The following ASTN2 variants were observed in gnomAD, a reference collection of about 807,000 sequenced individuals.
ASTN2 encodes astrotactin 2, also known as astrotactin-2.
In ASTN2, 54 loss-of-function variants were observed where a neutral mutation model predicts 139.8. The ratio of observed to expected loss-of-function variants is 0.39; its 90% CI spans 0.31 to 0.48. The LOEUF (loss-of-function observed/expected upper bound fraction) is 0.48, where lower values mean the gene tolerates loss of function less well. ASTN2 is among the 20% of genes least tolerant of loss of function. The probability of loss-of-function intolerance (pLI) is 0.95; values close to 1 mark genes in which losing one functional copy is unlikely to be tolerated. For missense variants in ASTN2, 1,565 were observed against 1,725.1 expected (o/e 0.91, Z 1.64); for synonymous variants, 756 against 719.5 (o/e 1.05, Z -0.81).
chr9:117,082,348 C>T (rs980508705), intron 5 of ASTN2, among the ~76,000 whole-genome samples: 1 of 152,180 alleles, frequency 6.6e-6, no homozygotes, highest in East Asian at 1.9e-4. Flanking sequence ...GTCAGTCAGT[C>T]ATTGGGTTCC....
At chr9:116,468,503 A>C (rs544945964) in intron 20 of ASTN2, among the ~76,000 whole-genome samples, 150 of 152,136 alleles carry the variant, frequency 9.9e-4, no homozygotes, top group Non-Finnish European at 1.6e-3. Flanking sequence ...CTCATCTCTC[A>C]CCCTCTGTTA....
At chr9:117,084,596 G>A (rs1296065419) in intron 5 of ASTN2, among the ~76,000 whole-genome samples, 1 of 152,232 alleles carries the variant, frequency 6.6e-6, no homozygotes, top group Non-Finnish European at 1.5e-5. Context: ...TTGCTAGGAA[G>A]ATTAATGAAT....
At chr9:116,747,530 G>A (rs1325043889) in intron 13 of ASTN2, among the ~76,000 whole-genome samples, 1 of 152,112 alleles carries the variant, frequency 6.6e-6, no homozygotes. Flanking sequence ...TGCCAGAGGT[G>A]GGGGAACTGG....
At chr9:117,410,865 G>A (rs370969627) in intron 1 of ASTN2, among the ~76,000 whole-genome samples, 17 of 152,276 alleles carry the variant, frequency 1.1e-4, no homozygotes, top group African/African-American at 3.6e-4. Flanking sequence ...AAGGGTCATT[G>A]GATGTCATTT....
chr9:116,805,916 G>T, intron 12 of ASTN2, 96 bp from the exon 13 acceptor site: 2 of 1,269,210 alleles, frequency 1.6e-6, no homozygotes, highest in Non-Finnish European at 2.2e-6. Flanking sequence ...TGCAAAACAG[G>T]TCAGAGTTTA....
intron 16 of ASTN2, among the ~76,000 whole-genome samples, chr9:116,711,098 C>T (rs971690796): frequency 9.9e-5 from 15 of 152,146 alleles, no homozygotes; most frequent in African/African-American, 2.9e-4. Context: ...GCAAATATAC[C>T]GTAGACCCTG....
chr9:116,755,784 A>AT (rs1208205021), intron 13 of ASTN2, among the ~76,000 whole-genome samples: 1 of 152,226 alleles, frequency 6.6e-6, no homozygotes, highest in African/African-American at 2.4e-5. Flanking sequence ...CCTAAGCGCC[A>AT]TCATGTATAT....
At chr9:116,803,481 A>AACATAT (rs1830924635) in intron 13 of ASTN2, among the ~76,000 whole-genome samples, 1 of 80,110 alleles carries the variant, frequency 1.2e-5, no homozygotes, top group African/African-American at 4.1e-5. Context: ...AAGTTCGAAT[A>AACATAT]ATATATATAT....
chr9:117,073,090 A>C (rs1479060165), intron 5 of ASTN2, among the ~76,000 whole-genome samples: 1 of 152,194 alleles, frequency 6.6e-6, no homozygotes, highest in Non-Finnish European at 1.5e-5. Context: ...AGTGCAGCAC[A>C]AATTCAAACA....
In ASTN2 at chr9:117,088,462, G is replaced by T. The variant is rs7852680; in HGVS notation, c.1276+7582C>A. Among the ~76,000 whole-genome samples the T allele has an allele frequency of 8.5e-3, 1,298 of 152,222 alleles. 19 individuals carry two copies. Among genetic ancestry groups the T allele is most frequent in the African/African-American group, 0.03 (1,226 of 41,530 alleles). ...TCCCAAAGGCCTCCTCTGCAGATAT[G>T]ACTTGAACTTTTCCTCACCTATCCT... On this transcript the variant is annotated intron_variant, in intron 5 of 22. Coordinates refer to ENST00000313400, the MANE Select transcript of ASTN2 (RefSeq NM_001365068.1).
At chr9:116,667,254 C>A (rs1412898168) in intron 16 of ASTN2, among the ~76,000 whole-genome samples, 1 of 151,952 alleles carries the variant, frequency 6.6e-6, no homozygotes, top group East Asian at 1.9e-4. Context: ...CCACACCTGG[C>A]CTTGATCCGT....
chr9:116,932,814 T>C (rs889802296), intron 10 of ASTN2, among the ~76,000 whole-genome samples: 3 of 152,072 alleles, frequency 2.0e-5, no homozygotes, highest in Non-Finnish European at 2.9e-5. Context: ...GAGACCATCC[T>C]GGCCAACATG....
intron 20 of ASTN2, among the ~76,000 whole-genome samples, chr9:116,474,656 G>C (rs1412809705): frequency 6.6e-6 from 1 of 152,180 alleles, no homozygotes; most frequent in Non-Finnish European, 1.5e-5. Flanking sequence ...AATGAGAGCA[G>C]GGAAAAGTTA....
chr9:117,245,312 A>G lies in ASTN2; in HGVS notation c.631-30570T>C, dbSNP rs913713558. Among the ~76,000 whole-genome samples the G allele has an allele frequency of 2.0e-5, 3 of 152,226 alleles. 1 individual carries two copies. The highest frequency in any genetic ancestry group is 4.4e-5 in the Non-Finnish European group (3 of 68,036). On this transcript the variant is annotated intron_variant, in intron 2 of 22. Coordinates refer to ENST00000313400, the MANE Select transcript of ASTN2 (RefSeq NM_001365068.1). ...TGGGTGAATGGATAATAACAGGCTA[A>G]TAAGCCTGCTATCCAAATGCTGCCA...
intron 20 of ASTN2, among the ~76,000 whole-genome samples, chr9:116,483,684 G>A (rs1458613754): frequency 1.3e-5 from 2 of 152,114 alleles, no homozygotes; most frequent in African/African-American, 4.8e-5. Context: ...ACGCAGAGAG[G>A]CACAGTAGTG....
chr9:116,442,346 AGT>A (rs1397503647), intron 21 of ASTN2, 105 bp downstream of exon 21: 2 of 853,096 alleles, frequency 2.3e-6, no homozygotes, highest in Admixed American at 3.6e-5. Flanking sequence ...TCCCTGTGCC[AGT>A]GTGTCAGGGT....
intron 5 of ASTN2, among the ~76,000 whole-genome samples, chr9:117,078,666 C>T (rs192681557): frequency 5.7e-4 from 87 of 152,292 alleles, no homozygotes; most frequent in Non-Finnish European, 7.3e-4. Flanking sequence ...CTAGTCTTAA[C>T]CATCTATGCC....
At chr9:116,797,648 T>C (rs1010467949) in intron 13 of ASTN2, among the ~76,000 whole-genome samples, 4 of 152,162 alleles carry the variant, frequency 2.6e-5, no homozygotes, top group African/African-American at 9.6e-5. Context: ...CAGAAGCTAA[T>C]GCCTCCTTTT....
At chr9:116,815,796 C>T (rs1831301635) in intron 12 of ASTN2, among the ~76,000 whole-genome samples, 1 of 5,726 alleles carries the variant, frequency 1.7e-4, no homozygotes, top group Non-Finnish European at 3.3e-4. Context: ...CAGAGCGAGA[C>T]TCCGTCTCAA....
Sources: gnomAD v4.1 joint callset for allele counts (sites outside exome capture counted in the v4.1 genomes callset) on GRCh38, gnomAD v4.1.1 for gene constraint, MANE v1.5 for transcripts, NCBI Gene and HGNC (gene_info 2026-07-23, HGNC 2026-07-21) for gene names.